The following DHTKD1 variants were observed in gnomAD, a reference collection of about 807,000 sequenced individuals.
The protein encoded by DHTKD1 is dehydrogenase E1 and transketolase domain containing 1, also known as 2-oxoadipate dehydrogenase complex component E1.
Under a neutral mutation model 101.8 loss-of-function variants are expected in DHTKD1, and 78 were observed. The observed-to-expected ratio is 0.77, with a 90% CI of 0.64 to 0.93. DHTKD1 has a LOEUF of 0.93. DHTKD1 is among the 40% of genes least tolerant of loss of function. DHTKD1 has a pLI of 0.00. For synonymous variants in DHTKD1, 462 were observed against 450.3 expected, an observed-to-expected ratio of 1.03 and a Z score of -0.33; for missense variants, 1,223 against 1,161.7, an observed-to-expected ratio of 1.05 and a Z score of -0.77.
intron 4 of DHTKD1, 29 bp from the exon 5 acceptor site, chr10:12,088,957 T>C (rs1333096786): frequency 1.9e-6 from 3 of 1,593,790 alleles, no homozygotes; most frequent in South Asian, 2.2e-5. Flanking sequence ...TGAATGCCAT[T>C]TTTTTCCTTT....
intron 8 of DHTKD1, 115 bp downstream of exon 8, chr10:12,098,111 C>T (rs1833102852): frequency 1.0e-6 from 1 of 991,742 alleles, no homozygotes; most frequent in Non-Finnish European, 1.5e-6. Flanking sequence ...TATTGTGTGT[C>T]GTTAGGTTCT....
Position 12,089,025 on chromosome 10 carries a change from G to C in DHTKD1, c.757G>C (p.Glu253Gln). ...RKMRGLSEFP[E>Q]NFSATGDVLS... Reference sequence around the variant, plus strand: ...AATGCGAGGCTTAAGTGAATTTCCAGAGAATTTCTCAGCCACTGGAGACGT... The same window carrying C: ...AATGCGAGGCTTAAGTGAATTTCCACAGAATTTCTCAGCCACTGGAGACGT... Residue 253 changes from glutamate (E) to glutamine (Q), a missense_variant, in exon 5 of 17, where the codon GAG becomes CAG. Glu to Gln is a conservative substitution (Grantham distance 29). Transcript: ENST00000263035. 1.2e-6 allele frequency: 2 copies of C among 1,614,056 alleles called. No individual in the cohort carries two copies. The highest frequency in any genetic ancestry group is 1.7e-6 in the Non-Finnish European group (2 of 1,179,964).
chr10:12,100,976 C>T, intron 9 of DHTKD1, 66 bp from the exon 10 acceptor site: 4 of 1,534,598 alleles, frequency 2.6e-6, no homozygotes, highest in Admixed American at 1.8e-5. Context: ...TAAGAATTTA[C>T]AGTCACCACA....
rs1833263664 is a variant in DHTKD1 at position 12,107,207 on chromosome 10, C to T, written c.2048-702C>T. Among the ~76,000 whole-genome samples, 1 of 151,916 alleles carries T rather than the reference C, an allele frequency of 6.6e-6. No homozygotes were observed. The highest frequency in any genetic ancestry group is 2.4e-5 in the African/African-American group (1 of 41,370). On this transcript the variant is annotated intron_variant, in intron 11 of 16. Transcript: ENST00000263035. The surrounding 1 kb of genome is among the most constrained non-coding windows in gnomAD (Gnocchi z 4.1). ...TTCACCGTGTCAGCCGGGATGGTCT[C>T]GTTCTCCTGACCTCATGATCCACCC...
intron 15 of DHTKD1, among the ~76,000 whole-genome samples, 177 bp from the exon 16 acceptor site, chr10:12,120,005 T>A (rs1833498769): frequency 1.3e-5 from 2 of 152,192 alleles, no homozygotes; most frequent in South Asian, 4.1e-4. Context: ...TCGAATACTG[T>A]ACCAACAGTG....
Position 12,101,105 on chromosome 10 carries a change from T to G in DHTKD1, c.1820T>G (p.Ile607Ser), listed in dbSNP as rs771346569. Residue 607 changes from isoleucine (I) to serine (S), a missense_variant, in exon 10 of 17, where the codon ATC (isoleucine) becomes AGC (serine). Transcript: ENST00000263035. ...GRGTFSQRHA[I>S]VVCQETDDTY... The stretch of plus-strand genomic sequence containing the variant: ...GGAACTTTCAGTCAGAGGCATGCAA[T>G]CGTGGTTTGCCAGGAGACGGATGAC... 4.3e-6 allele frequency: 7 copies of G among 1,613,936 alleles called. No homozygotes were observed.
At chr10:12,091,821 T>A in intron 6 of DHTKD1, 137 bp downstream of exon 6, 2 of 681,740 alleles carry the variant, frequency 2.9e-6, no homozygotes, top group Non-Finnish European at 4.5e-6. Context: ...AATTAATTTT[T>A]TGAGATGGAG....
At chr10:12,108,479 C>T (rs1430353351) in intron 12 of DHTKD1, among the ~76,000 whole-genome samples, 1 of 152,020 alleles carries the variant, frequency 6.6e-6, no homozygotes, top group African/African-American at 2.4e-5. Context: ...GGTGTTCTTC[C>T]ATGTTGGCCA....
intron 1 of DHTKD1, among the ~76,000 whole-genome samples, chr10:12,073,365 T>C (rs1345215663): frequency 6.6e-6 from 1 of 151,900 alleles, no homozygotes; most frequent in Non-Finnish European, 1.5e-5. Flanking sequence ...CTTTTTTTTT[T>C]GGACAGGGTC....
rs199541122 is a variant in DHTKD1 at position 12,106,327 on chromosome 10, C to T, written c.1978C>T (p.Leu660=). 75 of 1,614,058 alleles carry T rather than the reference C, an allele frequency of 4.6e-5. 1 individual carries two copies. In the South Asian group the frequency reaches 6.4e-4, roughly 14 times the overall value. The change falls in exon 11 of 17, where the codon CTG becomes TTG. Residue 660 remains leucine (L), a synonymous_variant. Coordinates refer to ENST00000263035, the MANE Select transcript of DHTKD1 (RefSeq NM_018706.7). ...CATTGAGAGCCCAAAGTTACTGCCCCTGTGGGAGGCACAGTTTGGCGATTT... is the reference window on the plus strand; with the variant it reads ...CATTGAGAGCCCAAAGTTACTGCCCTTGTGGGAGGCACAGTTTGGCGATTT... The part of the protein sequence containing the change: ...MSIESPKLLP[L]WEAQFGDFFN...
At chr10:12,111,346 A>G (rs1391283431) in intron 12 of DHTKD1, among the ~76,000 whole-genome samples, 1 of 152,060 alleles carries the variant, frequency 6.6e-6, no homozygotes, top group Non-Finnish European at 1.5e-5. Flanking sequence ...TTGTATTTTT[A>G]GTAGAGATGG....
chr10:12,074,637 C>T (rs1460820954), intron 1 of DHTKD1, among the ~76,000 whole-genome samples: 4 of 133,824 alleles, frequency 3.0e-5, no homozygotes, highest in Non-Finnish European at 6.3e-5. Context: ...GGATTAGAGG[C>T]GTGAGCTACC....
Position 12,074,095 on chromosome 10 carries a change from G to T in DHTKD1, c.154+4908G>T, listed in dbSNP as rs977073007. The stretch of plus-strand genomic sequence containing the variant: ...TTATGAACAGTAAACTGTTTGGGCG[G>T]TATTACGCCTAACGTAAAGGTATTC... On this transcript the variant is annotated intron_variant, in intron 1 of 16. Transcript: ENST00000263035. Among the ~76,000 whole-genome samples the T allele has an allele frequency of 7.4e-4, 112 of 152,282 alleles. 1 individual carries two copies. Among genetic ancestry groups the T allele is most frequent in the Non-Finnish European group, 1.6e-4 (11 of 68,024 alleles).
At chr10:12,098,064 T>C in intron 8 of DHTKD1, 68 bp downstream of exon 8, 12 of 1,440,070 alleles carry the variant, frequency 8.3e-6, no homozygotes, top group Non-Finnish European at 1.9e-6. Context: ...GACGTTGGTC[T>C]GGTGTTTTCA....
chr10:12,094,035 T>C, intron 6 of DHTKD1, 38 bp from the exon 7 acceptor site: 1 of 1,566,444 alleles, frequency 6.4e-7, no homozygotes, highest in South Asian at 1.1e-5. Context: ...TCATTCTGGG[T>C]TAACTGTCCT....
intron 11 of DHTKD1, 55 bp downstream of exon 11, chr10:12,106,451 C>T (rs983702610): frequency 6.2e-7 from 1 of 1,600,322 alleles, no homozygotes. Context: ...TGGCCCCAGC[C>T]TCGTGGGGAC....
intron 1 of DHTKD1, among the ~76,000 whole-genome samples, chr10:12,079,903 CCTAACTGGTGTATGAGTG>C (rs1832788434): frequency 6.6e-6 from 1 of 152,194 alleles, no homozygotes; most frequent in Non-Finnish European, 1.5e-5. Context: ...TATGGATCCA[CCTAACTGGTGTATGAGTG>C]CAAACACATC....
At position 12,097,671 on chromosome 10, in the gene DHTKD1, CT is replaced by C. The variant is rs1564393910; in HGVS notation, c.1359-10del. On this transcript the variant is annotated splice_polypyrimidine_tract_variant and intron_variant, in intron 7 of 16. Transcript: ENST00000263035. ...GGTCAGACTGATTTTTGTTTCTTCT[CT>C]TTCTTGGGCAGAGCTCGAAAGAGCA... is the stretch of plus-strand genomic sequence containing the variant. 1 of 1,591,424 alleles carries C rather than the reference CT, an allele frequency of 6.3e-7. No individual in the cohort carries two copies. The highest frequency in any genetic ancestry group is 8.6e-7 in the Non-Finnish European group (1 of 1,169,420).
intron 14 of DHTKD1, 35 bp from the exon 15 acceptor site, chr10:12,118,714 C>A (rs1031466284): frequency 2.1e-6 from 3 of 1,440,386 alleles, no homozygotes; most frequent in Non-Finnish European, 2.8e-6. Flanking sequence ...TAAAAAATTT[C>A]TCCCCCACCC....
Sources: allele counts gnomAD v4.1 joint callset (sites outside exome capture counted in the v4.1 genomes callset), GRCh38; gene constraint gnomAD v4.1.1; non-coding constraint Gnocchi (gnomAD v3.1); transcripts MANE v1.5; gene names NCBI Gene and HGNC (gene_info 2026-07-23, HGNC 2026-07-21).